Variants in FER1L6 observed in about 807,000 individuals in gnomAD.
FER1L6 encodes the protein fer-1 like family member 6.
A neutral mutation model predicts 219.2 loss-of-function variants in FER1L6; 177 were observed. The observed-to-expected ratio is 0.81, with a 90% CI of 0.71 to 0.91. The LOEUF (loss-of-function observed/expected upper bound fraction) is 0.91. Ranked by LOEUF, FER1L6 falls within the 40% of genes least tolerant of loss-of-function variation. FER1L6 has a pLI of 0.00. For synonymous variants in FER1L6, 768 were observed against 824.3 expected (o/e 0.93, Z 1.17); for missense variants, 2,153 against 2,259.9 (o/e 0.95, Z 0.96).
At chr8:123,983,828 A>G (rs1816431154) in intron 11 of FER1L6, among the ~76,000 whole-genome samples, 1 of 152,250 alleles carries the variant, frequency 6.6e-6, no homozygotes, top group Non-Finnish European at 1.5e-5. Context: ...AATCTTAGTT[A>G]TGCTTAATAA....
At chr8:124,028,923 G>A (rs1319856414) in intron 18 of FER1L6, among the ~76,000 whole-genome samples, 1 of 152,120 alleles carries the variant, frequency 6.6e-6, no homozygotes, top group Non-Finnish European at 1.5e-5. Flanking sequence ...TTGTCCTAAT[G>A]GTCTCCCTCC....
chr8:123,950,285 T>C (rs1814698640), intron 1 of FER1L6, among the ~76,000 whole-genome samples: 1 of 152,218 alleles, frequency 6.6e-6, no homozygotes, highest in South Asian at 2.1e-4. Context: ...CAGGAGAAGA[T>C]GGAGGCCAGT....
At chr8:124,097,971 C>A in intron 37 of FER1L6, 88 bp downstream of exon 37, 1 of 708,908 alleles carries the variant, frequency 1.4e-6, no homozygotes, top group African/African-American at 1.8e-5. Flanking sequence ...ATGGAGGATA[C>A]TAAACCCACA....
chr8:124,077,035 G>T (rs1821324973), intron 32 of FER1L6, among the ~76,000 whole-genome samples: 1 of 152,194 alleles, frequency 6.6e-6, no homozygotes, highest in African/African-American at 2.4e-5. Context: ...CTAAGCATTG[G>T]TGTTCCCTGT....
At chr8:124,000,141 T>C (rs1817336418) in intron 12 of FER1L6, among the ~76,000 whole-genome samples, 1 of 152,224 alleles carries the variant, frequency 6.6e-6, no homozygotes, top group African/African-American at 2.4e-5. Context: ...TGCTTTCCAC[T>C]GTGACAAGGC....
Position 123,993,999 on chromosome 8 carries a change from G to A in FER1L6, c.1519+7823G>A, listed in dbSNP as rs144688428. ...ACTTAGGACCTCCTGTTTATCCAGG[G>A]TGCTCAGCAATGCTGTTAGTTAAGG... On this transcript the variant is annotated intron_variant, in intron 12 of 40. Transcript: ENST00000522917. Among the ~76,000 whole-genome samples, 821 of 152,332 alleles carry A rather than the reference G, an allele frequency of 5.4e-3. 9 individuals are homozygous for A. Among genetic ancestry groups the A allele is most frequent in the African/African-American group, 0.019 (782 of 41,568 alleles).
chr8:123,939,166 A>G (rs1814128052), intron 1 of FER1L6: 1 of 985,286 alleles, frequency 1.0e-6, no homozygotes, highest in Non-Finnish European at 1.2e-6. Context: ...GTGACCTGTG[A>G]AAAACCAATG....
rs1351587907 is a variant in FER1L6, at chr8:124,060,380, G to C, written c.2985+90G>C. ...GTAGGAGAGGTGATATGGAATGGGC[G>C]GGAGACCTAGAGAAAAAGAATGAGC... is the stretch of plus-strand genomic sequence containing the variant. On this transcript the variant is annotated intron_variant, in intron 23 of 40. Coordinates refer to ENST00000522917, the MANE Select transcript of FER1L6 (RefSeq NM_001039112.2). 7 of 1,437,654 alleles carry C rather than the reference G, an allele frequency of 4.9e-6. No individual in the cohort carries two copies. The African/African-American group carries it at 9.8e-5, about 20-fold the overall frequency. The allele number at this position is 1,437,654 out of a possible 1,614,324, so 89.1% of individuals were successfully genotyped here.
chr8:123,973,212 G>T (rs1241769414), intron 6 of FER1L6, among the ~76,000 whole-genome samples: 2 of 152,186 alleles, frequency 1.3e-5, no homozygotes, highest in African/African-American at 4.8e-5. Context: ...AAGGAAGCTT[G>T]CAGGCACTGA....
intron 12 of FER1L6, among the ~76,000 whole-genome samples, chr8:123,992,788 G>T (rs1007868540): frequency 6.6e-6 from 1 of 151,902 alleles, no homozygotes; most frequent in Non-Finnish European, 1.5e-5. Flanking sequence ...CTTCCTTGAG[G>T]TGCGACATTG....
chr8:124,078,415 T>C (rs193097625), intron 32 of FER1L6, among the ~76,000 whole-genome samples: 1 of 152,336 alleles, frequency 6.6e-6, no homozygotes, highest in Non-Finnish European at 1.5e-5. Flanking sequence ...AATGGGTTAA[T>C]AAACCAGCTC....
chr8:123,918,047 C>G (rs11998642), intron 1 of FER1L6, among the ~76,000 whole-genome samples: 30 of 152,276 alleles, frequency 2.0e-4, no homozygotes, highest in African/African-American at 5.3e-4. Context: ...TAGTGGCTCA[C>G]ACCTGTAATC....
intron 29 of FER1L6, 45 bp downstream of exon 29, chr8:124,069,520 C>A: frequency 1.4e-6 from 2 of 1,414,530 alleles, no homozygotes; most frequent in Non-Finnish European, 9.8e-7. Context: ...GGGAGGGATG[C>A]TCAGCAATGA....
chr8:123,944,341 T>C (rs1814389286), intron 1 of FER1L6, among the ~76,000 whole-genome samples: 1 of 150,058 alleles, frequency 6.7e-6, no homozygotes, highest in South Asian at 2.1e-4. Flanking sequence ...CATTTTATTA[T>C]CAAATATATA....
chr8:123,853,041 G>A lies in FER1L6; in HGVS notation c.-8+856G>A, dbSNP rs147244516. On this transcript the variant is annotated intron_variant, in intron 1 of 40. Transcript: ENST00000522917. The surrounding 1 kb of genome is among the most constrained non-coding windows in gnomAD (Gnocchi z 6.6). ...CTTATTTTTGTAGAGACGGGGCCTCGCTATGTTGCTCAGGTTGGTCTCAAA... is the reference window on the plus strand; with the variant it reads ...CTTATTTTTGTAGAGACGGGGCCTCACTATGTTGCTCAGGTTGGTCTCAAA... Among the ~76,000 whole-genome samples the A allele has an allele frequency of 5.2e-3, 794 of 152,244 alleles. 8 individuals are homozygous for A. The highest frequency in any genetic ancestry group is 0.018 in the African/African-American group (746 of 41,532).
chr8:124,102,560 G>A (rs529526625), intron 38 of FER1L6, among the ~76,000 whole-genome samples: 2 of 152,276 alleles, frequency 1.3e-5, no homozygotes, highest in Non-Finnish European at 2.9e-5. Context: ...TTTAACAAAT[G>A]TTAATTTATA....
At chr8:124,071,374 T>C in intron 30 of FER1L6, 132 bp from the exon 31 acceptor site, 1 of 1,158,642 alleles carries the variant, frequency 8.6e-7, no homozygotes, top group Non-Finnish European at 1.2e-6. Flanking sequence ...GACACCCAAC[T>C]GGCAAGTTTA....
chr8:124,107,041 C>T (rs1051482050), intron 39 of FER1L6, among the ~76,000 whole-genome samples: 1 of 150,740 alleles, frequency 6.6e-6, no homozygotes, highest in Admixed American at 6.6e-5. Context: ...CTCCACCTCC[C>T]GGGTTCACGC....
intron 22 of FER1L6, among the ~76,000 whole-genome samples, chr8:124,053,941 A>AAGTT (rs1307427812): frequency 2.0e-5 from 3 of 152,126 alleles, no homozygotes; most frequent in East Asian, 3.8e-4. Flanking sequence ...TCCTCTATCC[A>AAGTT]AGTTAGCTGC....
Sources: gnomAD v4.1 joint callset for allele counts (sites outside exome capture counted in the v4.1 genomes callset) on GRCh38, gnomAD v4.1.1 for gene constraint, Gnocchi (gnomAD v3.1) non-coding constraint, MANE v1.5 for transcripts, NCBI Gene and HGNC (gene_info 2026-07-23, HGNC 2026-07-21) for gene names.